The following TCF7L2 variants were observed in gnomAD, a reference collection of about 807,000 sequenced individuals.
TCF7L2 encodes the protein transcription factor 7-like 2.
Under a neutral mutation model 77.9 loss-of-function variants are expected in TCF7L2, and 23 were observed. The ratio of observed to expected loss-of-function variants is 0.30; its 90% CI spans 0.21 to 0.42. The LOEUF (loss-of-function observed/expected upper bound fraction) is 0.42, where lower values mean the gene tolerates loss of function less well. Among genes scored for constraint, TCF7L2 ranks in the 10% least tolerant of loss-of-function variants. The pLI, the probability that TCF7L2 is intolerant of heterozygous loss-of-function variation, is 1.00. For missense variants in TCF7L2, 654 were observed against 793.1 expected, an observed-to-expected ratio of 0.82 and a Z score of 2.11; for synonymous variants, 413 against 340.2, an observed-to-expected ratio of 1.21 and a Z score of -2.36.
intron 5 of TCF7L2, among the ~76,000 whole-genome samples, chr10:113,055,609 C>T (rs2055242024): frequency 6.6e-6 from 1 of 152,080 alleles, no homozygotes; most frequent in Non-Finnish European, 1.5e-5. Context: ...ACTGCATTGC[C>T]CAGGCTGGAT....
intron 5 of TCF7L2, among the ~76,000 whole-genome samples, chr10:113,093,685 A>G (rs2060629487): frequency 6.6e-6 from 1 of 152,160 alleles, no homozygotes; most frequent in Admixed American, 6.5e-5. Flanking sequence ...GGCAGGGATG[A>G]GTCATTTCTT....
At chr10:113,129,367 C>T in intron 5 of TCF7L2, 1 of 990,220 alleles carries the variant, frequency 1.0e-6, no homozygotes, top group Middle Eastern at 5.2e-4. Context: ...GTCCCTGCTG[C>T]CCAAGGTAAC....
chr10:113,004,257 G>T (rs964647078), intron 4 of TCF7L2, among the ~76,000 whole-genome samples: 2 of 152,126 alleles, frequency 1.3e-5, no homozygotes, highest in African/African-American at 4.8e-5. Context: ...AAGAGTCTTG[G>T]CAGGGCAGGG....
intron 4 of TCF7L2, among the ~76,000 whole-genome samples, chr10:113,035,133 A>C (rs995826515): frequency 3.3e-5 from 5 of 151,960 alleles, no homozygotes; most frequent in African/African-American, 1.2e-4. Flanking sequence ...TATTTTGGTG[A>C]GATTGTGGTC....
intron 5 of TCF7L2, among the ~76,000 whole-genome samples, chr10:113,079,322 T>C (rs2059068848): frequency 6.6e-6 from 1 of 152,236 alleles, no homozygotes; most frequent in Non-Finnish European, 1.5e-5. Context: ...CACGGACTCC[T>C]GCCTGCATCT....
At chr10:113,124,088 G>A (rs1314463123) in intron 5 of TCF7L2, among the ~76,000 whole-genome samples, 2 of 152,188 alleles carry the variant, frequency 1.3e-5, no homozygotes, top group Non-Finnish European at 2.9e-5. Flanking sequence ...GATGACATCA[G>A]TGGCTATGGC....
rs766068443 is a variant in TCF7L2 at position 113,040,100 on chromosome 10, C to T, written c.526C>T (p.Arg176Trp). Residue 176 changes from arginine to tryptophan, a missense_variant, in exon 5 of 14, where the codon CGG becomes TGG. By Grantham distance (101) the Arg-to-Trp change is moderately radical (BLOSUM62 -3). Coordinates refer to ENST00000627217, the MANE Select transcript of TCF7L2 (RefSeq NM_001146274.2). ...GAGTAGACAAGCCCTCAAGGATGCC[C>T]GGTCCCCATCACCGGCACACATTGT... 2 of 1,613,808 alleles carry T rather than the reference C, an allele frequency of 1.2e-6. No homozygotes were observed. The highest frequency in any genetic ancestry group is 1.7e-6 in the Non-Finnish European group (2 of 1,179,848).
At chr10:113,158,354 C>T (rs1201847863) in intron 12 of TCF7L2, among the ~76,000 whole-genome samples, 1 of 150,990 alleles carries the variant, frequency 6.6e-6, no homozygotes, top group East Asian at 1.9e-4. Flanking sequence ...GTAGGCATGC[C>T]TATGCCGGGA....
In TCF7L2 at chr10:113,117,397, CT is replaced by C. The variant is rs2063896207; in HGVS notation, c.553-23786del. ...TCTCTCTCTCTCTCTCTCTCTCTCTCTCTCTCTCTCTCTCTCTCTCTCTCTC... is the reference window on the plus strand; with the variant it reads ...TCTCTCTCTCTCTCTCTCTCTCTCTCCTCTCTCTCTCTCTCTCTCTCTCTC... On this transcript the variant is annotated intron_variant, in intron 5 of 13. Coordinates refer to ENST00000627217, the MANE Select transcript of TCF7L2 (RefSeq NM_001146274.2). Among the ~76,000 whole-genome samples the C allele has an allele frequency of 1.3e-4, 5 of 37,730 alleles. 1 individual carries two copies. Among genetic ancestry groups the C allele is most frequent in the South Asian group, 8.7e-4 (1 of 1,152 alleles). 24.8% of individuals were successfully genotyped at this position (37,730 alleles called of 152,430 possible). A position where few individuals can be genotyped will look rare whatever the true frequency, so the allele number is the denominator to read the frequency against.
chr10:113,050,860 G>T (rs2054298332), intron 5 of TCF7L2, among the ~76,000 whole-genome samples: 1 of 152,130 alleles, frequency 6.6e-6, no homozygotes, highest in Non-Finnish European at 1.5e-5. Flanking sequence ...CACTGAGTTG[G>T]CCATTATTAT....
intron 5 of TCF7L2, among the ~76,000 whole-genome samples, chr10:113,104,268 G>T (rs933849662): frequency 6.6e-6 from 1 of 152,202 alleles, no homozygotes; most frequent in Non-Finnish European, 1.5e-5. Flanking sequence ...AAACCACACT[G>T]CTTTTGACTT....
At chr10:113,057,161 C>G (rs1272337158) in intron 5 of TCF7L2, among the ~76,000 whole-genome samples, 1 of 152,164 alleles carries the variant, frequency 6.6e-6, no homozygotes, top group Non-Finnish European at 1.5e-5. Flanking sequence ...TGGTTTCTCT[C>G]CCTTCCTCTT....
rs750661111 is a variant in TCF7L2, at chr10:113,151,914, G to A, written c.1161+30G>A. 3 of 1,577,494 alleles carry A rather than the reference G, an allele frequency of 1.9e-6. No homozygotes were observed. Among genetic ancestry groups the A allele is most frequent in the Non-Finnish European group, 2.6e-6 (3 of 1,167,104 alleles). ...GTGACGCCCTTCTCAGGGAGAAGCGGGGGGCGGGTGGTGAGGGACCAGAGT... is the reference window on the plus strand; with the variant it reads ...GTGACGCCCTTCTCAGGGAGAAGCGAGGGGCGGGTGGTGAGGGACCAGAGT... On this transcript the variant is annotated intron_variant, in intron 10 of 13. Transcript: ENST00000627217. This position sits in a 1 kb window ranked among gnomAD's most constrained non-coding sequence, Gnocchi z 5.2.
chr10:113,142,631 A>G (rs1257472070), intron 6 of TCF7L2, among the ~76,000 whole-genome samples: 1 of 152,182 alleles, frequency 6.6e-6, no homozygotes, highest in African/African-American at 2.4e-5. Context: ...GCCACACATG[A>G]GCTGGGTTTT....
chr10:112,964,819 G>GGAGGC lies in TCF7L2; in HGVS notation c.450+196_450+197insAGGCG, dbSNP rs1564719566. ...TGGTGGTGGTGGTGGTGGTGGGGGG[G>GGAGGC]GGTTGAATCACTGGGGGAGAAGGGG... On this transcript the variant is annotated intron_variant, in intron 4 of 13. Coordinates refer to ENST00000627217, the MANE Select transcript of TCF7L2 (RefSeq NM_001146274.2). 2.7e-4 allele frequency among the ~76,000 whole-genome samples: 37 copies of GGAGGC among 138,688 alleles called. 1 individual carries two copies. The highest frequency in any genetic ancestry group is 9.2e-4 in the African/African-American group (34 of 37,102). 91.0% of individuals were successfully genotyped at this position (138,688 alleles called of 152,430 possible).
At position 113,035,832 on chromosome 10, in the gene TCF7L2, T is replaced by C. The variant is rs535374339; in HGVS notation, c.451-4193T>C. On this transcript the variant is annotated intron_variant, in intron 4 of 13. Transcript: ENST00000627217. ...GAGCACAGCCATGATACAAGACATA[T>C]ACTGACTGCCTGTGGCTGCTTTCGA... Among the ~76,000 whole-genome samples the C allele has an allele frequency of 2.0e-4, 31 of 152,324 alleles. No homozygotes were observed. The South Asian group carries it at 6.0e-3, about 30-fold the overall frequency.
chr10:113,147,325 T>C (rs910757399), intron 8 of TCF7L2, among the ~76,000 whole-genome samples: 4 of 152,198 alleles, frequency 2.6e-5, no homozygotes, highest in African/African-American at 9.7e-5. Context: ...CAGGTCAAGA[T>C]GCTGCTTTTC....
At chr10:113,129,776 G>A (rs558721123) in intron 5 of TCF7L2, 58 of 1,271,708 alleles carry the variant, frequency 4.6e-5, no homozygotes, top group Non-Finnish European at 5.4e-5. Flanking sequence ...AAAGCAGAAA[G>A]GGAGGAGGAA....
chr10:113,059,545 C>T (rs550852136), intron 5 of TCF7L2, among the ~76,000 whole-genome samples: 2 of 152,106 alleles, frequency 1.3e-5, no homozygotes, highest in African/African-American at 4.8e-5. Context: ...ATAAATGAAG[C>T]GGAGCCCTTT....
Sources: allele counts gnomAD v4.1 joint callset (sites outside exome capture counted in the v4.1 genomes callset), GRCh38; gene constraint gnomAD v4.1.1; non-coding constraint Gnocchi (gnomAD v3.1); transcripts MANE v1.5; gene names NCBI Gene and HGNC (gene_info 2026-07-23, HGNC 2026-07-21).